Variants in MAGI2 observed in about 807,000 individuals in gnomAD.
MAGI2 encodes membrane associated guanylate kinase, WW and PDZ domain containing 2.
Under a neutral mutation model 133.3 loss-of-function variants are expected in MAGI2, and 35 were observed. The observed-to-expected ratio is 0.26, with a 90% CI of 0.20 to 0.35. The LOEUF (loss-of-function observed/expected upper bound fraction) is 0.35. Among genes scored for constraint, MAGI2 ranks in the 10% least tolerant of loss-of-function variants. MAGI2 has a pLI of 1.00. For synonymous variants in MAGI2, 729 were observed against 710.6 expected (o/e 1.03, Z -0.41); for missense variants, 1,636 against 1,863.4 (o/e 0.88, Z 2.25).
chr7:78,712,126 T>C (rs117014242), intron 2 of MAGI2, among the ~76,000 whole-genome samples: 5 of 152,286 alleles, frequency 3.3e-5, no homozygotes, highest in East Asian at 3.9e-4. Context: ...TAAAATAAAA[T>C]GTATCTTAGA....
chr7:79,373,002 A>C (rs554674076), intron 1 of MAGI2, among the ~76,000 whole-genome samples: 5 of 152,084 alleles, frequency 3.3e-5, no homozygotes, highest in Admixed American at 6.6e-5. Flanking sequence ...TACAGTTGCT[A>C]TAAGTGGATA....
intron 1 of MAGI2, among the ~76,000 whole-genome samples, chr7:79,061,887 T>C (rs1584823522): frequency 6.6e-6 from 1 of 152,106 alleles, no homozygotes; most frequent in Non-Finnish European, 1.5e-5. Context: ...CTCCACCTTA[T>C]ACATGTGGAG....
chr7:79,359,192 T>C (rs1842214688), intron 1 of MAGI2, among the ~76,000 whole-genome samples: 1 of 151,868 alleles, frequency 6.6e-6, no homozygotes, highest in East Asian at 1.9e-4. Flanking sequence ...AAAAATACAA[T>C]AACAGAAATA....
rs568404339 is a variant in MAGI2, at chr7:79,368,358, C to T, written c.301+84662G>A. On this transcript the variant is annotated intron_variant, in intron 1 of 21. Coordinates refer to ENST00000354212, the MANE Select transcript of MAGI2 (RefSeq NM_012301.4). Reference sequence around the variant, plus strand: ...AATTAGCCCTCAGAAAAACCCCACCCAGGAAAGACTCAGATGATACACATT... The same window carrying T: ...AATTAGCCCTCAGAAAAACCCCACCTAGGAAAGACTCAGATGATACACATT... Among the ~76,000 whole-genome samples the T allele has an allele frequency of 3.9e-5, 6 of 152,196 alleles. No individual in the cohort carries two copies. In the South Asian group the frequency reaches 1.2e-3, roughly 32 times the overall value.
At position 78,518,546 on chromosome 7, in the gene MAGI2, GCTTATTACTATTAT is replaced by G. The variant is rs1224766714; in HGVS notation, c.754+2870_754+2883del. ...TTCAAAAGAAGTGAATTATTTTATT[GCTTATTACTATTAT>G]CAATATTCCTTCGTAATGGAATAAT... On this transcript the variant is annotated intron_variant, in intron 4 of 21. Coordinates refer to ENST00000354212, the MANE Select transcript of MAGI2 (RefSeq NM_012301.4). 3.9e-5 allele frequency: 6 copies of G among 152,170 alleles called. No homozygotes were observed. In the East Asian group the frequency reaches 5.8e-4, roughly 15 times the overall value. 9.4% of individuals were successfully genotyped at this position (152,170 alleles called of 1,614,324 possible). A position where few individuals can be genotyped will look rare whatever the true frequency, so the allele number is the denominator to read the frequency against.
intron 2 of MAGI2, among the ~76,000 whole-genome samples, chr7:78,876,389 G>A (rs190174514): frequency 6.7e-6 from 1 of 148,852 alleles, no homozygotes; most frequent in Admixed American, 6.7e-5. Context: ...TGAAGTCTAA[G>A]AAGAAAAAGG....
chr7:79,133,653 A>T (rs1821132337), intron 1 of MAGI2, among the ~76,000 whole-genome samples: 1 of 152,208 alleles, frequency 6.6e-6, no homozygotes, highest in Non-Finnish European at 1.5e-5. Flanking sequence ...TTTAACCAAT[A>T]CTTTACCAAA....
intron 2 of MAGI2, among the ~76,000 whole-genome samples, chr7:78,992,529 G>T (rs1026853696): frequency 5.3e-5 from 8 of 151,876 alleles, no homozygotes; most frequent in Non-Finnish European, 1.2e-4. Context: ...AAGATAAGTT[G>T]TTATAAAGAT....
chr7:78,067,693 G>A (rs182820263), intron 21 of MAGI2, among the ~76,000 whole-genome samples: 1 of 152,296 alleles, frequency 6.6e-6, no homozygotes, highest in Admixed American at 6.5e-5. Context: ...TAGAGATTTT[G>A]TTGTAGTTAG....
intron 9 of MAGI2, among the ~76,000 whole-genome samples, chr7:78,261,414 T>TATCTCATGTCTGAGGCTTGCAAATGC (rs1793506637): frequency 6.6e-6 from 1 of 152,154 alleles, no homozygotes; most frequent in Non-Finnish European, 1.5e-5. Context: ...ACATTGCTCC[T>TATCTCATGTCTGAGGCTTGCAAATGC]ATCTCATGTC....
intron 6 of MAGI2, among the ~76,000 whole-genome samples, chr7:78,378,087 A>C (rs1360319559): frequency 3.9e-5 from 6 of 152,100 alleles, no homozygotes; most frequent in Admixed American, 3.9e-4. Context: ...TAGTTGACAA[A>C]AATGATGAAA....
intron 2 of MAGI2, among the ~76,000 whole-genome samples, chr7:78,913,467 A>G (rs1322079883): frequency 2.0e-5 from 3 of 152,044 alleles, no homozygotes; most frequent in South Asian, 2.1e-4. Context: ...AGAAACCACT[A>G]TGCTTCCCAT....
intron 1 of MAGI2, among the ~76,000 whole-genome samples, chr7:79,021,086 AG>A (rs2116692118): frequency 6.6e-6 from 1 of 152,352 alleles, no homozygotes; most frequent in East Asian, 1.9e-4. Context: ...TTGGGCCTGC[AG>A]GTGCACAGAA....
At chr7:79,443,175 G>A (rs1447930478) in intron 1 of MAGI2, among the ~76,000 whole-genome samples, 1 of 152,040 alleles carries the variant, frequency 6.6e-6, no homozygotes, top group African/African-American at 2.4e-5. Context: ...GGGATGCTGA[G>A]GCAGAAGAAT....
At chr7:79,051,071 TA>T (rs888283949) in intron 1 of MAGI2, among the ~76,000 whole-genome samples, 5 of 152,230 alleles carry the variant, frequency 3.3e-5, no homozygotes, top group African/African-American at 1.2e-4. Context: ...CCCTCTTGGC[TA>T]AAATGAGTAA....
chr7:78,220,199 C>T (rs1041381176), intron 10 of MAGI2, among the ~76,000 whole-genome samples: 5 of 152,156 alleles, frequency 3.3e-5, no homozygotes, highest in African/African-American at 1.2e-4. Flanking sequence ...CTGCTGGGCC[C>T]ATTTCTACCT....
intron 2 of MAGI2, 127 bp downstream of exon 2, chr7:79,006,963 A>G: frequency 1.6e-6 from 1 of 639,662 alleles, no homozygotes; most frequent in South Asian, 2.7e-5. Context: ...CACATCTCAA[A>G]TAAGTTTTCT....
chr7:78,826,802 G>A (rs953608377), intron 2 of MAGI2, among the ~76,000 whole-genome samples: 1 of 152,100 alleles, frequency 6.6e-6, no homozygotes, highest in Non-Finnish European at 1.5e-5. Context: ...AAATTGAGTG[G>A]AGTCTAGGAC....
Position 78,474,745 on chromosome 7 carries a change from C to A in MAGI2, c.1045+15016G>T, listed in dbSNP as rs148379535. On this transcript the variant is annotated intron_variant, in intron 6 of 21. Coordinates refer to ENST00000354212, the MANE Select transcript of MAGI2 (RefSeq NM_012301.4). Reference sequence around the variant, plus strand: ...ACCTGTAGAAGTTAATGAAAACTTCCCCACATAAAGGTGAGAAACAAATAA... The same window carrying A: ...ACCTGTAGAAGTTAATGAAAACTTCACCACATAAAGGTGAGAAACAAATAA... Among the ~76,000 whole-genome samples the A allele has an allele frequency of 1.1e-3, 171 of 151,680 alleles. 3 individuals carry two copies. The East Asian group carries it at 0.032, about 29-fold the overall frequency.
Sources: gnomAD v4.1 joint callset for allele counts (sites outside exome capture counted in the v4.1 genomes callset) on GRCh38, gnomAD v4.1.1 for gene constraint, MANE v1.5 for transcripts, NCBI Gene and HGNC (gene_info 2026-07-23, HGNC 2026-07-21) for gene names.